The following CDKN2B-AS1 variants were observed in gnomAD, a reference collection of about 807,000 sequenced individuals.
CDKN2B-AS1 encodes the protein CDKN2B and CDKN2A antisense cis and trans regulatory RNA 1.
At chr9:22,018,502 C>G (rs1821879333) in intron 1 of CDKN2B-AS1, among the ~76,000 whole-genome samples, 1 of 151,942 alleles carries the variant, frequency 6.6e-6, no homozygotes, top group African/African-American at 2.4e-5. Flanking sequence ...ACTAAAAATA[C>G]AAAAATTAGC....
At chr9:22,095,435 G>T (rs909735494) in intron 4 of CDKN2B-AS1, among the ~76,000 whole-genome samples, 1 of 145,738 alleles carries the variant, frequency 6.9e-6, no homozygotes. Context: ...GTTCTAGTTT[G>T]CACTGTGGTC....
Position 22,006,391 on chromosome 9 carries a change from C to G in CDKN2B-AS1, n.29+11230C>G, listed in dbSNP as rs1821191783. The G allele has an allele frequency of 5.3e-6, 6 of 1,126,920 alleles. No individual in the cohort carries two copies. The South Asian group carries it at 8.2e-5, about 15-fold the overall frequency. The allele number at this position is 1,126,920 out of a possible 1,614,324, so 69.8% of individuals were successfully genotyped here. A position where few individuals can be genotyped will look rare whatever the true frequency, so the allele number is the denominator to read the frequency against. ...GCAGAGGTGTTCAGGTCTCTGATGT[C>G]TGGTGTTTCTTCATTTGCTGATGCA... On this transcript the variant is annotated intron_variant and non_coding_transcript_variant, in intron 1 of 4. Coordinates refer to ENST00000650946, the Ensembl canonical transcript of CDKN2B-AS1. This position sits in a 1 kb window ranked among gnomAD's most constrained non-coding sequence, Gnocchi z 6.4.
intron 4 of CDKN2B-AS1, among the ~76,000 whole-genome samples, chr9:22,125,589 G>C (rs1818003841): frequency 6.6e-6 from 1 of 152,206 alleles, no homozygotes; most frequent in Non-Finnish European, 1.5e-5. Flanking sequence ...CATTTATACA[G>C]TAGTGAAGGA....
chr9:22,116,055 C>A (rs1012934976), intron 4 of CDKN2B-AS1, among the ~76,000 whole-genome samples: 4 of 152,146 alleles, frequency 2.6e-5, no homozygotes, highest in African/African-American at 9.7e-5. Flanking sequence ...GTATGCTCAA[C>A]ATTCTCTTAG....
intron 4 of CDKN2B-AS1, among the ~76,000 whole-genome samples, chr9:22,105,434 G>A (rs916817932): frequency 2.6e-5 from 4 of 152,180 alleles, no homozygotes; most frequent in African/African-American, 9.7e-5. Flanking sequence ...TGCTGGGACT[G>A]CATGATTGCA....
At chr9:22,077,827 G>C (rs1436469209) in intron 4 of CDKN2B-AS1, 5 of 152,074 alleles carry the variant, frequency 3.3e-5, no homozygotes, top group Non-Finnish European at 4.4e-5. Context: ...AATGATACCT[G>C]CTTCTCTATC....
chr9:22,036,922 T>C (rs1023623977), intron 1 of CDKN2B-AS1, among the ~76,000 whole-genome samples: 4 of 152,070 alleles, frequency 2.6e-5, no homozygotes, highest in Admixed American at 6.6e-5. Flanking sequence ...TTAATCCAGA[T>C]GTAGAATGGG....
chr9:22,117,862 C>T (rs916074995), intron 4 of CDKN2B-AS1: 1 of 152,272 alleles, frequency 6.6e-6, no homozygotes, highest in Non-Finnish European at 1.5e-5. Flanking sequence ...AATAAACTCA[C>T]AACCAGCATT....
rs576425187 is a variant in CDKN2B-AS1 at position 22,025,554 on chromosome 9, A to G, written n.30-21197A>G. ...AAGAGATGTGGGAATGGGCACCCAC[A>G]TAACAGTCTGTTCACTTTTCCATAG... On this transcript the variant is annotated intron_variant and non_coding_transcript_variant, in intron 1 of 4. Coordinates refer to ENST00000650946, the Ensembl canonical transcript of CDKN2B-AS1. Among the ~76,000 whole-genome samples the G allele has an allele frequency of 1.1e-4, 16 of 152,272 alleles. No individual in the cohort carries two copies. The South Asian group carries it at 3.1e-3, about 30-fold the overall frequency.
chr9:22,066,202 T>A (rs1035602604), intron 4 of CDKN2B-AS1: 1 of 131,458 alleles, frequency 7.6e-6, no homozygotes, highest in African/African-American at 2.9e-5. Flanking sequence ...ATTAGATTTT[T>A]AAAAATTCTA....
chr9:22,108,868 C>G (rs1157868428), intron 4 of CDKN2B-AS1, among the ~76,000 whole-genome samples: 2 of 151,990 alleles, frequency 1.3e-5, no homozygotes, highest in Admixed American at 1.3e-4. Flanking sequence ...AGTTTTTGTT[C>G]AAAAGCCGTT....
At chr9:22,012,858 C>G (rs191143079) in intron 1 of CDKN2B-AS1, among the ~76,000 whole-genome samples, 1 of 152,064 alleles carries the variant, frequency 6.6e-6, no homozygotes, top group East Asian at 1.9e-4. Flanking sequence ...CTCCGTGATC[C>G]ACAGTATATC....
intron 1 of CDKN2B-AS1, among the ~76,000 whole-genome samples, chr9:22,009,697 G>A (rs1157676930): frequency 6.6e-6 from 1 of 152,114 alleles, no homozygotes; most frequent in Admixed American, 6.5e-5. Flanking sequence ...AAATAACTCC[G>A]TGTTTCTTAA....
chr9:22,068,106 G>A (rs933829563), intron 4 of CDKN2B-AS1, among the ~76,000 whole-genome samples: 2 of 152,130 alleles, frequency 1.3e-5, no homozygotes, highest in Non-Finnish European at 2.9e-5. Context: ...TGTTAGTTTT[G>A]TCCTCACTTT....
intron 4 of CDKN2B-AS1, among the ~76,000 whole-genome samples, chr9:22,126,790 C>T (rs752391389): frequency 4.0e-5 from 6 of 151,868 alleles, no homozygotes; most frequent in South Asian, 2.1e-4. Flanking sequence ...GCCAGGATGG[C>T]CTGGATCTCC....
At chr9:22,053,974 A>C (rs1422598696) in intron 3 of CDKN2B-AS1, among the ~76,000 whole-genome samples, 1 of 151,898 alleles carries the variant, frequency 6.6e-6, no homozygotes, top group East Asian at 1.9e-4. Context: ...AAAAAAGTTA[A>C]CTCATAACTA....
At chr9:22,061,646 G>A (rs1438977854) in intron 4 of CDKN2B-AS1, among the ~76,000 whole-genome samples, 3 of 152,006 alleles carry the variant, frequency 2.0e-5, no homozygotes, top group Non-Finnish European at 4.4e-5. Flanking sequence ...TTGGAAACAG[G>A]AATTAATACT....
chr9:22,119,796 A>G (rs1488493491), intron 4 of CDKN2B-AS1: 2 of 152,154 alleles, frequency 1.3e-5, no homozygotes, highest in Non-Finnish European at 2.9e-5. Flanking sequence ...GTAGTAAAAT[A>G]CTTTCCCTCA....
chr9:22,062,579 T>A lies in CDKN2B-AS1; in HGVS notation n.438+6192T>A, dbSNP rs886983214. 7.9e-5 allele frequency among the ~76,000 whole-genome samples: 12 copies of A among 152,292 alleles called. No individual in the cohort carries two copies. The East Asian group carries it at 1.7e-3, about 22-fold the overall frequency. On this transcript the variant is annotated intron_variant and non_coding_transcript_variant, in intron 4 of 4. Transcript: ENST00000650946. ...ATGAGGAAGACATTTCCTTACATGA[T>A]TCCAAGAGTCTTTCTCTGGGGTTCT...
Sources: allele counts gnomAD v4.1 joint callset (sites outside exome capture counted in the v4.1 genomes callset), GRCh38; gene constraint gnomAD v4.1.1; non-coding constraint Gnocchi (gnomAD v3.1); transcripts MANE v1.5; gene names NCBI Gene and HGNC (gene_info 2026-07-23, HGNC 2026-07-21).